The following FAAH2 variants were observed in gnomAD, a reference collection of about 807,000 sequenced individuals.
FAAH2 encodes fatty acid amide hydrolase 2.
FAAH2 carries 60 observed loss-of-function variants against 36.9 expected under a neutral mutation model. The ratio of observed to expected loss-of-function variants is 1.63; its 90% CI spans 1.32 to 2.02. The LOEUF is 2.02. Ranked by LOEUF, FAAH2 falls within the 30% of genes most tolerant of loss-of-function variation. The pLI is 0.00. For missense variants in FAAH2, 689 were observed against 397.5 expected, an observed-to-expected ratio of 1.73 and a Z score of -6.23; for synonymous variants, 214 against 143.8, an observed-to-expected ratio of 1.49 and a Z score of -3.49.
At position 57,310,470 on chromosome X, in the gene FAAH2, T is replaced by C. The variant is rs746559484; in HGVS notation, c.276-123T>C. ...TCAAATGGTCAGCTTTATAAGGCTCTTGACAAGTACATTAACTTTAATATG... is the reference window on the plus strand; with the variant it reads ...TCAAATGGTCAGCTTTATAAGGCTCCTGACAAGTACATTAACTTTAATATG... On this transcript the variant is annotated intron_variant, in intron 2 of 10. Coordinates refer to ENST00000374900, the MANE Select transcript of FAAH2 (RefSeq NM_174912.4). The C allele has an allele frequency of 3.7e-5, 30 of 801,114 alleles. No homozygotes were observed. In the East Asian group the frequency reaches 9.9e-4, roughly 26 times the overall value. The allele number at this position is 801,114 out of a possible 1,213,427, so 66.0% of individuals were successfully genotyped here. A position where few individuals can be genotyped will look rare whatever the true frequency, so the allele number is the denominator to read the frequency against.
At chrX:57,392,555 C>G in intron 7 of FAAH2, 1 of 796,423 alleles carries the variant, frequency 1.3e-6, no homozygotes, top group East Asian at 3.3e-5. Context: ...TGACTCTTGG[C>G]TGCCTTATAC....
At chrX:57,122,671 A>G in the FAAH2 span, among the ~76,000 whole-genome samples, 2 of 112,313 alleles carry the variant, frequency 1.8e-5, no homozygotes, top group Non-Finnish European at 3.8e-5. Flanking sequence ...AACAGAAAGC[A>G]AATGAACCAA....
the FAAH2 span, among the ~76,000 whole-genome samples, chrX:57,235,794 T>A: frequency 8.9e-6 from 1 of 112,809 alleles, no homozygotes; most frequent in Non-Finnish European, 1.9e-5. Context: ...AATGATAAAC[T>A]CAGTGTTGTT....
At chrX:57,445,057 G>A (rs2056644849) in intron 8 of FAAH2, among the ~76,000 whole-genome samples, 1 of 111,811 alleles carries the variant, frequency 8.9e-6, no homozygotes, top group Non-Finnish European at 1.9e-5. Context: ...ATTTATTAAT[G>A]TCTTAACATT....
chrX:57,176,015 C>T, the FAAH2 span, among the ~76,000 whole-genome samples: 15 of 111,140 alleles, frequency 1.3e-4, no homozygotes, highest in Non-Finnish European at 2.6e-4. Flanking sequence ...TTTTTTCCTT[C>T]ACATTGACTT....
In FAAH2 at chrX:57,382,423, C is replaced by T. The variant is rs545617163; in HGVS notation, c.996+1394C>T. Among the ~76,000 whole-genome samples, 7 of 110,794 alleles carry T rather than the reference C, an allele frequency of 6.3e-5. No individual in the cohort carries two copies. The East Asian group carries it at 8.5e-4, about 13-fold the overall frequency. ...GACAAGATCAACAAAATTGAGAGACCGCTGGCAAGACTAATAAAGAAGGAA... is the reference window on the plus strand; with the variant it reads ...GACAAGATCAACAAAATTGAGAGACTGCTGGCAAGACTAATAAAGAAGGAA... On this transcript the variant is annotated intron_variant, in intron 7 of 10. Transcript: ENST00000374900.
At chrX:57,269,353 C>T in the FAAH2 span, among the ~76,000 whole-genome samples, 1 of 111,292 alleles carries the variant, frequency 9.0e-6, no homozygotes, top group African/African-American at 3.3e-5. Context: ...ATGACCTGAA[C>T]TCAGCACTGG....
At chrX:57,167,633 C>A in the FAAH2 span, among the ~76,000 whole-genome samples, 1 of 111,575 alleles carries the variant, frequency 9.0e-6, no homozygotes, top group Non-Finnish European at 1.9e-5. Context: ...CATTCTTATG[C>A]ATTTAAATGA....
Position 57,488,813 on chromosome X carries a change from A to T in FAAH2, c.1480A>T (p.Lys494Ter). 1 of 1,211,294 alleles carries T rather than the reference A, an allele frequency of 8.3e-7. No homozygotes were observed. Among genetic ancestry groups the T allele is most frequent in the South Asian group, 1.8e-5 (1 of 56,956 alleles). Residue 494 changes from lysine to a stop codon, truncating the protein, a stop_gained, in exon 11 of 11, where the codon AAA becomes TAA. Coordinates refer to ENST00000374900, the MANE Select transcript of FAAH2 (RefSeq NM_174912.4). LOFTEE classifies it high-confidence loss of function. ...VTQCPLGLNA[K>*]GLPLGIQVVA... Reference sequence around the variant, plus strand: ...CCAATGCCCACTGGGACTGAATGCCAAAGGACTCCCTTTAGGCATCCAGGT... The same window carrying T: ...CCAATGCCCACTGGGACTGAATGCCTAAGGACTCCCTTTAGGCATCCAGGT...
chrX:57,189,296 G>A, the FAAH2 span, among the ~76,000 whole-genome samples: 1 of 109,833 alleles, frequency 9.1e-6, no homozygotes, highest in African/African-American at 3.3e-5. Context: ...GTAACCTTTT[G>A]TCAAGGTTCT....
At chrX:57,382,480 A>T (rs1478986535) in intron 7 of FAAH2, among the ~76,000 whole-genome samples, 1 of 112,049 alleles carries the variant, frequency 8.9e-6, no homozygotes, top group African/African-American at 3.2e-5. Context: ...GCAATAAAAA[A>T]TTATGAAGGG....
At chrX:57,206,374 G>A in the FAAH2 span, among the ~76,000 whole-genome samples, 12 of 112,140 alleles carry the variant, frequency 1.1e-4, no homozygotes, top group African/African-American at 3.6e-4. Flanking sequence ...TAGGAGTAAG[G>A]AGTAGTAGTC....
At chrX:57,380,351 A>C (rs1197955520) in intron 6 of FAAH2, among the ~76,000 whole-genome samples, 1 of 111,278 alleles carries the variant, frequency 9.0e-6, no homozygotes, top group African/African-American at 3.3e-5. Flanking sequence ...AAGCTAGAGG[A>C]CTGTCTATTT....
chrX:57,463,850 C>T (rs780492239), intron 10 of FAAH2, among the ~76,000 whole-genome samples: 20 of 111,528 alleles, frequency 1.8e-4, no homozygotes, highest in Non-Finnish European at 3.2e-4. Flanking sequence ...TATGGCAATC[C>T]CTCAAGGATC....
intron 3 of FAAH2, among the ~76,000 whole-genome samples, chrX:57,313,277 T>A (rs922735317): frequency 3.7e-5 from 4 of 109,072 alleles, no homozygotes; most frequent in African/African-American, 1.3e-4. Context: ...TCATCAGGAT[T>A]CTCAAGAGAG....
the FAAH2 span, among the ~76,000 whole-genome samples, chrX:57,252,386 T>C: frequency 2.7e-5 from 3 of 112,399 alleles, no homozygotes; most frequent in East Asian, 2.8e-4. Context: ...AAGAGAGCAG[T>C]GATTCTCCCA....
chrX:57,443,727 C>G (rs886673058), intron 8 of FAAH2, among the ~76,000 whole-genome samples: 4 of 111,863 alleles, frequency 3.6e-5, no homozygotes, highest in Non-Finnish European at 7.5e-5. Context: ...GCTCTGGTTT[C>G]TCCCCATCTT....
At chrX:57,266,066 G>A in the FAAH2 span, among the ~76,000 whole-genome samples, 30 of 111,521 alleles carry the variant, frequency 2.7e-4, no homozygotes, top group African/African-American at 9.5e-4. Context: ...AGGTGACTGG[G>A]GGCTGATGTG....
chrX:57,267,220 T>C, the FAAH2 span, among the ~76,000 whole-genome samples: 35 of 112,557 alleles, frequency 3.1e-4, no homozygotes, highest in Non-Finnish European at 6.4e-4. Flanking sequence ...TTCTGGTGCA[T>C]GTCTGCATGG....
Sources: allele counts gnomAD v4.1 joint callset (sites outside exome capture counted in the v4.1 genomes callset), GRCh38; gene constraint gnomAD v4.1.1; transcripts MANE v1.5; gene names NCBI Gene and HGNC (gene_info 2026-07-23, HGNC 2026-07-21).